Variants in BCAS3 observed in about 807,000 individuals in gnomAD.
BCAS3 encodes the protein BCAS3 microtubule associated cell migration factor.
Under a neutral mutation model 116.1 loss-of-function variants are expected in BCAS3, and 53 were observed. The ratio of observed to expected loss-of-function variants is 0.46; its 90% CI spans 0.37 to 0.57. The LOEUF (loss-of-function observed/expected upper bound fraction) is 0.57. Ranked by LOEUF, BCAS3 falls within the 20% of genes least tolerant of loss-of-function variation. The pLI is 0.00. For missense variants in BCAS3, 917 were observed against 1,165.4 expected, an observed-to-expected ratio of 0.79 and a Z score of 3.10; for synonymous variants, 391 against 408.2, an observed-to-expected ratio of 0.96 and a Z score of 0.51.
chr17:61,288,935 CAT>C (rs1205097776), intron 22 of BCAS3, among the ~76,000 whole-genome samples: 1 of 152,184 alleles, frequency 6.6e-6, no homozygotes, highest in Non-Finnish European at 1.5e-5. Flanking sequence ...AAAACATGCT[CAT>C]AGTATTTATC....
At chr17:61,053,495 C>T (rs188678841) in intron 19 of BCAS3, among the ~76,000 whole-genome samples, 1 of 152,122 alleles carries the variant, frequency 6.6e-6, no homozygotes, top group African/African-American at 2.4e-5. Flanking sequence ...TGTTTTCTAC[C>T]GTGGATATTG....
At chr17:60,878,484 T>C (rs1396486432) in intron 9 of BCAS3, among the ~76,000 whole-genome samples, 4 of 152,212 alleles carry the variant, frequency 2.6e-5, no homozygotes, top group Non-Finnish European at 2.9e-5. Flanking sequence ...GTGTACACTT[T>C]GTTGATTTGG....
At chr17:61,305,790 G>A (rs1238011117) in intron 22 of BCAS3, among the ~76,000 whole-genome samples, 1 of 152,214 alleles carries the variant, frequency 6.6e-6, no homozygotes, top group Non-Finnish European at 1.5e-5. Context: ...CAGCTACTCA[G>A]GAGGCTGAGG....
rs1413432161 is a variant in BCAS3, at chr17:61,020,969, T to G, written c.1637+5068T>G. On this transcript the variant is annotated intron_variant, in intron 16 of 23. Coordinates refer to ENST00000407086, the MANE Select transcript of BCAS3 (RefSeq NM_017679.5). The surrounding 1 kb of genome is among the most constrained non-coding windows in gnomAD (Gnocchi z 4.5). ...TTTTGTGAAGTAAACATGGGATGAT[T>G]TGCTCTCTCGTAGGTTTCCTTTTCC... 6.6e-6 allele frequency among the ~76,000 whole-genome samples: 1 copy of G among 152,168 alleles called. No individual in the cohort carries two copies. Among genetic ancestry groups the G allele is most frequent in the African/African-American group, 2.4e-5 (1 of 41,448 alleles).
intron 22 of BCAS3, among the ~76,000 whole-genome samples, chr17:61,236,816 G>T (rs1316604922): frequency 6.6e-6 from 1 of 152,090 alleles, no homozygotes; most frequent in Admixed American, 6.5e-5. Context: ...GACTTTGTGG[G>T]AAAGTAGGAT....
Position 61,188,434 on chromosome 17 carries a change from A to G in BCAS3, c.2425+103870A>G, listed in dbSNP as rs781531954. Among the ~76,000 whole-genome samples the G allele has an allele frequency of 1.4e-4, 21 of 152,320 alleles. No homozygotes were observed. Among genetic ancestry groups the G allele is most frequent in the Middle Eastern group, 6.8e-3 (2 of 294 alleles). ...AGTTCCCACTCGATTCCTAGTTTAT[A>G]TTCTGGTATGGACCACAAGTCTGGG... On this transcript the variant is annotated intron_variant, in intron 22 of 23. Transcript: ENST00000407086. The surrounding 1 kb of genome is among the most constrained non-coding windows in gnomAD (Gnocchi z 4.0).
At chr17:60,811,631 T>A (rs996880626) in intron 7 of BCAS3, among the ~76,000 whole-genome samples, 1 of 152,316 alleles carries the variant, frequency 6.6e-6, no homozygotes, top group Non-Finnish European at 1.5e-5. Flanking sequence ...ATGAACTATG[T>A]ATAAAGAATT....
At chr17:61,108,712 C>T (rs1244613176) in intron 22 of BCAS3, among the ~76,000 whole-genome samples, 6 of 151,688 alleles carry the variant, frequency 4.0e-5, no homozygotes, top group African/African-American at 1.2e-4. Context: ...ACCCATCACC[C>T]GAGCAGTGTA....
At chr17:60,887,942 T>A (rs531554813) in intron 9 of BCAS3, among the ~76,000 whole-genome samples, 1 of 152,342 alleles carries the variant, frequency 6.6e-6, no homozygotes, top group South Asian at 2.1e-4. Context: ...TCTTTTAACA[T>A]CCAGTTCTCT....
intron 13 of BCAS3, among the ~76,000 whole-genome samples, chr17:60,925,975 G>A (rs1363384882): frequency 6.6e-6 from 1 of 151,906 alleles, no homozygotes; most frequent in Admixed American, 6.6e-5. Context: ...AGGTGATTTT[G>A]TACAATATTT....
At position 61,363,598 on chromosome 17, in the gene BCAS3, C is replaced by G. The variant is rs1434535055; in HGVS notation, c.2426-4729C>G. Among the ~76,000 whole-genome samples, 1 of 149,972 alleles carries G rather than the reference C, an allele frequency of 6.7e-6. No homozygotes were observed. Among genetic ancestry groups the G allele is most frequent in the Non-Finnish European group, 1.5e-5 (1 of 67,772 alleles). On this transcript the variant is annotated intron_variant, in intron 22 of 23. Transcript: ENST00000407086. This position sits in a 1 kb window ranked among gnomAD's most constrained non-coding sequence, Gnocchi z 4.9. ...CTCACTCTGAACCTTGTACAGTGCT[C>G]GACTCATATCATAGTGGACACTAAC...
At chr17:61,081,175 A>G (rs2072564664) in intron 21 of BCAS3, among the ~76,000 whole-genome samples, 1 of 152,190 alleles carries the variant, frequency 6.6e-6, no homozygotes, top group Admixed American at 6.5e-5. Flanking sequence ...TCACAACTAT[A>G]TAACACATTT....
intron 14 of BCAS3, among the ~76,000 whole-genome samples, chr17:60,981,249 T>C (rs557729232): frequency 3.9e-5 from 6 of 152,278 alleles, no homozygotes; most frequent in Admixed American, 2.0e-4. Flanking sequence ...GAGACTAATA[T>C]AGTAACCTTG....
At chr17:61,025,058 G>A (rs2066140114) in intron 16 of BCAS3, among the ~76,000 whole-genome samples, 1 of 151,984 alleles carries the variant, frequency 6.6e-6, no homozygotes, top group African/African-American at 2.4e-5. Context: ...ATATGACAAC[G>A]AAAACCTCTT....
intron 6 of BCAS3, among the ~76,000 whole-genome samples, chr17:60,770,678 A>G (rs1415845196): frequency 6.6e-6 from 1 of 150,670 alleles, no homozygotes; most frequent in Non-Finnish European, 1.5e-5. Context: ...CGGCCTCCCA[A>G]AGTGACAGGC....
intron 22 of BCAS3, among the ~76,000 whole-genome samples, chr17:61,262,787 G>C (rs1040541633): frequency 1.3e-5 from 2 of 151,354 alleles, no homozygotes; most frequent in African/African-American, 4.9e-5. Context: ...CTGCCTCCCA[G>C]GTTCAACCAA....
chr17:60,767,469 C>G (rs997070105), intron 6 of BCAS3, among the ~76,000 whole-genome samples: 1 of 150,492 alleles, frequency 6.6e-6, no homozygotes, highest in South Asian at 2.1e-4. Context: ...CTCAGCCTCT[C>G]AGGAAGCTGG....
In BCAS3 at chr17:61,130,442, T is replaced by G. The variant is rs563302318; in HGVS notation, c.2425+45878T>G. Among the ~76,000 whole-genome samples the G allele has an allele frequency of 6.6e-6, 1 of 152,312 alleles. No homozygotes were observed. The highest frequency in any genetic ancestry group is 1.9e-4 in the East Asian group (1 of 5,190). ...AACCGATTCTTAATTACCTCTTGCC[T>G]GGGACACTGCAGAAGTAACCAAATC... On this transcript the variant is annotated intron_variant, in intron 22 of 23. Transcript: ENST00000407086. The surrounding 1 kb of genome is among the most constrained non-coding windows in gnomAD (Gnocchi z 5.0).
rs2055667705 is a variant in BCAS3, at chr17:61,325,646, C to A, written c.2426-42681C>A. Among the ~76,000 whole-genome samples, 1 of 152,226 alleles carries A rather than the reference C, an allele frequency of 6.6e-6. No homozygotes were observed. The highest frequency in any genetic ancestry group is 2.4e-5 in the African/African-American group (1 of 41,456). ...TATGGCCCAAGCAAGGGACTAAAAT[C>A]TTAAAGTGACAGGGCCCCGTTTTCA... On this transcript the variant is annotated intron_variant, in intron 22 of 23. Transcript: ENST00000407086. The surrounding 1 kb of genome is among the most constrained non-coding windows in gnomAD (Gnocchi z 6.4).
Sources: gnomAD v4.1 joint callset for allele counts (sites outside exome capture counted in the v4.1 genomes callset) on GRCh38, gnomAD v4.1.1 for gene constraint, Gnocchi (gnomAD v3.1) non-coding constraint, MANE v1.5 for transcripts, NCBI Gene and HGNC (gene_info 2026-07-23, HGNC 2026-07-21) for gene names.